Variants in WWOX observed in about 807,000 individuals in gnomAD.
WWOX encodes the protein WW domain containing oxidoreductase, also known as WW domain-containing oxidoreductase.
A neutral mutation model predicts 46.2 loss-of-function variants in WWOX; 69 were observed. The ratio of observed to expected loss-of-function variants is 1.49; its 90% CI spans 1.23 to 1.82. The LOEUF is 1.82. WWOX is among the 40% of genes most tolerant of loss of function. The pLI is 0.00. For missense variants in WWOX, 919 were observed against 542.6 expected (o/e 1.69, Z -6.89); for synonymous variants, 359 against 202.6 (o/e 1.77, Z -6.56).
At position 78,935,343 on chromosome 16, in the gene WWOX, T is replaced by A. The variant is rs113168679; in HGVS notation, c.1057-276265T>A. Among the ~76,000 whole-genome samples, 1,077 of 152,256 alleles carry A rather than the reference T, an allele frequency of 7.1e-3. 18 individuals carry two copies. The highest frequency in any genetic ancestry group is 0.024 in the African/African-American group (1,012 of 41,552). On this transcript the variant is annotated intron_variant, in intron 8 of 8. Transcript: ENST00000566780. ...GGCACTATTCACAATAGCAAAGACTTGGAACCAACTCAGATGTTCATCAAT... is the reference window on the plus strand; with the variant it reads ...GGCACTATTCACAATAGCAAAGACTAGGAACCAACTCAGATGTTCATCAAT...
At chr16:78,580,813 T>A (rs944521627) in intron 8 of WWOX, among the ~76,000 whole-genome samples, 7 of 152,236 alleles carry the variant, frequency 4.6e-5, no homozygotes, top group Non-Finnish European at 1.0e-4. Context: ...TGGCCTTCAT[T>A]AGAATGAATT....
At chr16:79,044,195 T>G (rs954702660) in intron 8 of WWOX, among the ~76,000 whole-genome samples, 14 of 152,060 alleles carry the variant, frequency 9.2e-5, no homozygotes, top group African/African-American at 3.4e-4. Flanking sequence ...AGGCCCACAG[T>G]GTAGGCATTC....
At chr16:78,202,564 T>G (rs947738828) in intron 5 of WWOX, among the ~76,000 whole-genome samples, 2 of 152,234 alleles carry the variant, frequency 1.3e-5, no homozygotes, top group African/African-American at 2.4e-5. Flanking sequence ...GTTTTCTGTT[T>G]GGGGAACATT....
At chr16:78,647,055 G>A (rs1408350869) in intron 8 of WWOX, among the ~76,000 whole-genome samples, 1 of 152,106 alleles carries the variant, frequency 6.6e-6, no homozygotes, top group Non-Finnish European at 1.5e-5. Flanking sequence ...CTCTCCCTTT[G>A]TGACCCAGCA....
chr16:78,759,973 C>G (rs916973473), intron 8 of WWOX, among the ~76,000 whole-genome samples: 2 of 152,136 alleles, frequency 1.3e-5, no homozygotes, highest in East Asian at 1.9e-4. Flanking sequence ...TCTTGCTTCC[C>G]TCTTACAATG....
intron 8 of WWOX, among the ~76,000 whole-genome samples, chr16:78,828,957 C>G (rs1252367496): frequency 2.0e-5 from 3 of 152,152 alleles, no homozygotes; most frequent in African/African-American, 7.2e-5. Context: ...AAGGGACTTG[C>G]CAAAGCGACA....
chr16:79,212,199 A>G lies in WWOX; in HGVS notation c.*403A>G. ...TGCAGCCGGGGGCTGGCCTTCTCCT[A>G]CTTAGGGAAGAAAAAGCAAGTGTTC... On this transcript the variant is annotated 3_prime_UTR_variant, in exon 9 of 9. Coordinates refer to ENST00000566780, the MANE Select transcript of WWOX (RefSeq NM_016373.4). 6.9e-7 allele frequency: 1 copy of G among 1,453,904 alleles called. No homozygotes were observed. The highest frequency in any genetic ancestry group is 9.0e-7 in the Non-Finnish European group (1 of 1,110,884). 90.1% of individuals were successfully genotyped at this position (1,453,904 alleles called of 1,614,324 possible).
chr16:78,311,838 C>G (rs573253163), intron 5 of WWOX, among the ~76,000 whole-genome samples: 109 of 152,218 alleles, frequency 7.2e-4, no homozygotes, highest in African/African-American at 2.4e-3. Context: ...GTTCTTCAAA[C>G]TTAGTGTCTT....
intron 8 of WWOX, among the ~76,000 whole-genome samples, chr16:78,730,559 C>G (rs902566277): frequency 6.6e-5 from 10 of 151,918 alleles, no homozygotes; most frequent in African/African-American, 2.4e-4. Context: ...TCAAATGATC[C>G]ACCCAACCTA....
chr16:78,564,623 C>G (rs1031926063), intron 8 of WWOX, among the ~76,000 whole-genome samples: 1 of 152,128 alleles, frequency 6.6e-6, no homozygotes, highest in African/African-American at 2.4e-5. Flanking sequence ...CTTTTTAAAT[C>G]TGAACCTCAT....
intron 8 of WWOX, among the ~76,000 whole-genome samples, chr16:78,825,103 C>G (rs568560136): frequency 6.6e-6 from 1 of 152,084 alleles, no homozygotes; most frequent in African/African-American, 2.4e-5. Flanking sequence ...ATGAGGATGC[C>G]GGCACTCGGG....
chr16:78,105,308 A>G (rs2032070867), intron 1 of WWOX, among the ~76,000 whole-genome samples: 1 of 152,264 alleles, frequency 6.6e-6, no homozygotes. Flanking sequence ...CTAAAAATAC[A>G]AAAATTATCC....
intron 5 of WWOX, among the ~76,000 whole-genome samples, chr16:78,238,673 G>A (rs1403929280): frequency 6.6e-6 from 1 of 152,100 alleles, no homozygotes; most frequent in Non-Finnish European, 1.5e-5. Context: ...AGGCTGGAGT[G>A]CAGTGGTGTG....
chr16:78,473,258 T>A (rs115554688), intron 8 of WWOX, among the ~76,000 whole-genome samples: 1,856 of 152,252 alleles, frequency 0.012, 29 homozygotes, highest in African/African-American at 0.041. Context: ...GCCTCCCAAG[T>A]GGCTTGGAGT....
Position 78,508,310 on chromosome 16 carries a change from C to CTTTTTTTTT in WWOX, c.1056+75580_1056+75588dup, listed in dbSNP as rs60281450. Among the ~76,000 whole-genome samples the CTTTTTTTTT allele has an allele frequency of 2.9e-3, 325 of 112,664 alleles. 33 individuals carry two copies. Among genetic ancestry groups the CTTTTTTTTT allele is most frequent in the East Asian group, 7.1e-3 (26 of 3,654 alleles). The allele number at this position is 112,664 out of a possible 152,430, so 73.9% of individuals were successfully genotyped here. Reference sequence around the variant, plus strand: ...ATAGGCGTGAGCCACTGCGCCCGGCCTTTTTTTTTTTTTTTTTTTTTTTTT... The same window carrying CTTTTTTTTT: ...ATAGGCGTGAGCCACTGCGCCCGGCCTTTTTTTTTTTTTTTTTTTTTTTTTTTTTTTTTT... On this transcript the variant is annotated intron_variant, in intron 8 of 8. Transcript: ENST00000566780.
chr16:78,317,974 A>G (rs2080389420), intron 5 of WWOX, among the ~76,000 whole-genome samples: 1 of 152,126 alleles, frequency 6.6e-6, no homozygotes, highest in Non-Finnish European at 1.5e-5. Flanking sequence ...AGTGGTAGTG[A>G]CTTTTTCCTG....
At chr16:79,085,553 G>T (rs2048838688) in intron 8 of WWOX, among the ~76,000 whole-genome samples, 1 of 152,034 alleles carries the variant, frequency 6.6e-6, no homozygotes, top group African/African-American at 2.4e-5. Flanking sequence ...CTCTGGAAAT[G>T]CAACTTTCTC....
At chr16:78,799,208 C>G (rs1487754587) in intron 8 of WWOX, among the ~76,000 whole-genome samples, 1 of 152,154 alleles carries the variant, frequency 6.6e-6, no homozygotes, top group Non-Finnish European at 1.5e-5. Flanking sequence ...GAAACAGGGA[C>G]ACGGTGCAGA....
At chr16:78,837,453 A>G (rs564790904) in intron 8 of WWOX, among the ~76,000 whole-genome samples, 1 of 152,326 alleles carries the variant, frequency 6.6e-6, no homozygotes, top group African/African-American at 2.4e-5. Flanking sequence ...TAAGTCAAAA[A>G]TGGACAAATA....
Sources: allele counts gnomAD v4.1 joint callset (sites outside exome capture counted in the v4.1 genomes callset), GRCh38; gene constraint gnomAD v4.1.1; transcripts MANE v1.5; gene names NCBI Gene and HGNC (gene_info 2026-07-23, HGNC 2026-07-21).